SPATA13: variants seen among roughly 807,000 people sequenced by gnomAD.
The protein encoded by SPATA13 is spermatogenesis-associated protein 13.
A neutral mutation model predicts 104.0 loss-of-function variants in SPATA13; 50 were observed. The observed-to-expected ratio is 0.48, with a 90% CI of 0.38 to 0.61. The LOEUF is 0.61. Among genes scored for constraint, SPATA13 ranks in the 20% least tolerant of loss-of-function variants. The pLI, the probability that SPATA13 is intolerant of heterozygous loss-of-function variation, is 0.00. For synonymous variants in SPATA13, 606 were observed against 667.5 expected, an observed-to-expected ratio of 0.91 and a Z score of 1.42; for missense variants, 1,524 against 1,690.6, an observed-to-expected ratio of 0.90 and a Z score of 1.73.
intron 3 of SPATA13, among the ~76,000 whole-genome samples, chr13:24,150,606 G>T (rs981908853): frequency 3.3e-5 from 5 of 152,048 alleles, no homozygotes; most frequent in Non-Finnish European, 7.4e-5. Flanking sequence ...TCCAAAATTT[G>T]TAAGTAGGCC....
chr13:24,284,113 G>A (rs371669327), intron 4 of SPATA13, 22 bp from the exon 5 acceptor site: 49 of 1,585,930 alleles, frequency 3.1e-5, no homozygotes, highest in Non-Finnish European at 4.0e-5. Context: ...TTTAAATCAT[G>A]CCTTTGTTTT....
intron 3 of SPATA13, among the ~76,000 whole-genome samples, chr13:24,077,411 A>G (rs888276806): frequency 6.6e-6 from 1 of 152,184 alleles, no homozygotes; most frequent in East Asian, 1.9e-4. Flanking sequence ...TACTGGAACG[A>G]AAGAACAGAT....
chr13:24,057,253 C>A (rs1220451280), intron 3 of SPATA13, among the ~76,000 whole-genome samples: 1 of 150,398 alleles, frequency 6.6e-6, no homozygotes, highest in African/African-American at 2.5e-5. Context: ...CCACAACAGT[C>A]CCCGGAGTGT....
chr13:24,064,631 G>A (rs924938965), intron 3 of SPATA13, among the ~76,000 whole-genome samples: 1 of 152,110 alleles, frequency 6.6e-6, no homozygotes, highest in Non-Finnish European at 1.5e-5. Flanking sequence ...GAATCTTCTG[G>A]TACTTTGACC....
chr13:24,183,791 C>T (rs888010486), intron 1 of SPATA13, among the ~76,000 whole-genome samples: 2 of 151,896 alleles, frequency 1.3e-5, no homozygotes, highest in East Asian at 1.9e-4. Flanking sequence ...GAGAAGGGGG[C>T]GGGGTGAGCA....
intron 3 of SPATA13, among the ~76,000 whole-genome samples, chr13:24,130,440 A>G (rs1402600931): frequency 6.6e-6 from 1 of 152,248 alleles, no homozygotes; most frequent in Non-Finnish European, 1.5e-5. Context: ...AGAAGAGAGA[A>G]AATGGGAAGA....
intron 4 of SPATA13, among the ~76,000 whole-genome samples, chr13:24,273,525 C>CTT (rs1874766479): frequency 6.6e-6 from 1 of 152,190 alleles, no homozygotes; most frequent in African/African-American, 2.4e-5. Context: ...TTTTCCAACA[C>CTT]TAACAGTTTA....
At chr13:24,259,224 TG>T (rs959891282) in intron 4 of SPATA13, among the ~76,000 whole-genome samples, 1 of 152,220 alleles carries the variant, frequency 6.6e-6, no homozygotes, top group African/African-American at 2.4e-5. Context: ...GGGAGTCTTA[TG>T]GGGGCTCTTC....
intron 1 of SPATA13, among the ~76,000 whole-genome samples, chr13:24,196,987 C>T (rs1446260437): frequency 6.6e-6 from 1 of 151,950 alleles, no homozygotes; most frequent in Non-Finnish European, 1.5e-5. Context: ...ATTACATATA[C>T]TGGAAAAGAG....
intron 3 of SPATA13, among the ~76,000 whole-genome samples, chr13:24,097,115 A>G (rs1880109906): frequency 6.6e-6 from 1 of 152,178 alleles, no homozygotes; most frequent in African/African-American, 2.4e-5. Context: ...TAGAATTAAT[A>G]GGGCTTCCTG....
intron 3 of SPATA13, among the ~76,000 whole-genome samples, chr13:24,147,991 A>C (rs1223473407): frequency 6.6e-6 from 1 of 152,190 alleles, no homozygotes; most frequent in Non-Finnish European, 1.5e-5. Flanking sequence ...TAATCCATTC[A>C]TCCACCACTG....
intron 4 of SPATA13, among the ~76,000 whole-genome samples, chr13:24,277,847 G>A (rs1345027997): frequency 6.6e-6 from 1 of 152,128 alleles, no homozygotes; most frequent in East Asian, 1.9e-4. Flanking sequence ...AAACCACCAG[G>A]CCTGGACGAA....
At chr13:24,067,617 C>T (rs754835186) in intron 3 of SPATA13, among the ~76,000 whole-genome samples, 12 of 152,148 alleles carry the variant, frequency 7.9e-5, no homozygotes, top group Admixed American at 3.9e-4. Context: ...AAGTTAACAG[C>T]GTGGAAGGCT....
intron 3 of SPATA13, among the ~76,000 whole-genome samples, chr13:24,120,893 G>A (rs113091837): frequency 0.016 from 2,468 of 152,294 alleles, 36 homozygotes; most frequent in Non-Finnish European, 0.024. Context: ...GTGAACTCAG[G>A]TACTGCGCTG....
At chr13:24,061,364 G>T (rs1329780850) in intron 3 of SPATA13, among the ~76,000 whole-genome samples, 2 of 152,162 alleles carry the variant, frequency 1.3e-5, no homozygotes. Flanking sequence ...TCCCATTACT[G>T]GTTATATCCC....
Position 24,251,841 on chromosome 13 carries a change from C to T in SPATA13, c.2143C>T (p.Arg715Trp), listed in dbSNP as rs776877407. ...PIGLDRVGRR[R>W]QMRASNVSSD... ...TGGGTTGGACCGTGTGGGACGCCGG[C>T]GGCAGATGAGAGCATCCAACGGTGA... Residue 715 changes from arginine to tryptophan, a missense_variant, in exon 4 of 13, where the codon CGG becomes TGG. By Grantham distance (101) the Arg-to-Trp change is moderately radical (BLOSUM62 -3). Transcript: ENST00000382108. 12 of 1,613,650 alleles carry T rather than the reference C, an allele frequency of 7.4e-6. No individual in the cohort carries two copies. Among genetic ancestry groups the T allele is most frequent in the South Asian group, 3.3e-5 (3 of 91,054 alleles).
At chr13:24,082,558 C>CA (rs1430085246) in intron 3 of SPATA13, among the ~76,000 whole-genome samples, 2 of 152,046 alleles carry the variant, frequency 1.3e-5, no homozygotes, top group Non-Finnish European at 2.9e-5. Flanking sequence ...CGGTGGCTCA[C>CA]GCCTGTAATC....
Position 24,286,429 on chromosome 13 carries a change from CTGGGGG to C in SPATA13, c.2481+37_2481+42del, listed in dbSNP as rs1875953550. On this transcript the variant is annotated intron_variant, in intron 6 of 12. Coordinates refer to ENST00000382108, the MANE Select transcript of SPATA13 (RefSeq NM_001166271.3). This position sits in a 1 kb window ranked among gnomAD's most constrained non-coding sequence, Gnocchi z 4.9. ...GGTGCTTGCAGCTTTTCCAAAGTAC[CTGGGGG>C]AGCTGCAGGATCCTTTCAGGTCAGA... is the stretch of plus-strand genomic sequence containing the variant. 5.7e-6 allele frequency: 9 copies of C among 1,590,950 alleles called. No homozygotes were observed. The highest frequency in any genetic ancestry group is 7.7e-6 in the Non-Finnish European group (9 of 1,168,506).
intron 10 of SPATA13, among the ~76,000 whole-genome samples, chr13:24,296,893 C>T (rs1462407074): frequency 6.8e-6 from 1 of 147,560 alleles, no homozygotes; most frequent in Non-Finnish European, 1.5e-5. Flanking sequence ...GCCCTGCCCA[C>T]CTGTGAATGG....
Sources: gnomAD v4.1 joint callset for allele counts (sites outside exome capture counted in the v4.1 genomes callset) on GRCh38, gnomAD v4.1.1 for gene constraint, Gnocchi (gnomAD v3.1) non-coding constraint, MANE v1.5 for transcripts, NCBI Gene and HGNC (gene_info 2026-07-23, HGNC 2026-07-21) for gene names.